The following TRIM14 variants were observed in gnomAD, a reference collection of about 807,000 sequenced individuals.
TRIM14 encodes tripartite motif-containing protein 14.
A neutral mutation model predicts 44.5 loss-of-function variants in TRIM14; 28 were observed. That is an observed-to-expected ratio of 0.63 (90% CI 0.47 to 0.86). The LOEUF (loss-of-function observed/expected upper bound fraction) is 0.86. Among genes scored for constraint, TRIM14 ranks in the 40% least tolerant of loss-of-function variants. The pLI, the probability that TRIM14 is intolerant of heterozygous loss-of-function variation, is 0.00. For synonymous variants in TRIM14, 299 were observed against 269.2 expected (o/e 1.11, Z -1.08); for missense variants, 607 against 611.1 (o/e 0.99, Z 0.07).
chr9:98,094,840 C>T, intron 4 of TRIM14, 27 bp downstream of exon 4: 3 of 1,608,828 alleles, frequency 1.9e-6, no homozygotes, highest in Non-Finnish European at 2.5e-6. Context: ...GAGTTAAGGA[C>T]ACAAAGTTGG....
rs147519711 is a variant in TRIM14, at chr9:98,092,351, G to A, written c.701-350C>T. Reference sequence around the variant, plus strand: ...AGTGCTCAGAAAGAAAGAAGGAGGGGAGTCTATCCCAACAAGCGGGCACAG... The same window carrying A: ...AGTGCTCAGAAAGAAAGAAGGAGGGAAGTCTATCCCAACAAGCGGGCACAG... On this transcript the variant is annotated intron_variant, in intron 4 of 5. Coordinates refer to ENST00000341469, the MANE Select transcript of TRIM14 (RefSeq NM_014788.4). The A allele has an allele frequency of 9.0e-4, 187 of 207,296 alleles. 1 individual carries two copies. The highest frequency in any genetic ancestry group is 4.1e-3 in the African/African-American group (178 of 43,444). The allele number at this position is 207,296 out of a possible 1,614,324, so 12.8% of individuals were successfully genotyped here.
At chr9:98,040,316 C>T in the TRIM14 span, among the ~76,000 whole-genome samples, 2 of 152,154 alleles carry the variant, frequency 1.3e-5, no homozygotes, top group African/African-American at 4.8e-5. Flanking sequence ...CTCCCCTTTG[C>T]CACCAAATCT....
chr9:98,057,613 G>C, the TRIM14 span, among the ~76,000 whole-genome samples: 1 of 152,122 alleles, frequency 6.6e-6, no homozygotes, highest in African/African-American at 2.4e-5. Context: ...TTCTCAGATA[G>C]AGCTCTGAGC....
At chr9:98,071,971 G>A (rs1018834404) in intron 6 of TRIM14, among the ~76,000 whole-genome samples, 2 of 152,202 alleles carry the variant, frequency 1.3e-5, no homozygotes, top group East Asian at 3.8e-4. Flanking sequence ...CGGAGCAGTT[G>A]GGTGATAGGG....
chr9:98,036,500 GAAA>G, the TRIM14 span, among the ~76,000 whole-genome samples: 200 of 102,526 alleles, frequency 2.0e-3, 1 homozygote, highest in African/African-American at 6.6e-3. Flanking sequence ...GACTCCATCT[GAAA>G]AAAAAAAAAA....
chr9:98,083,903 G>A (rs1486352856), downstream of TRIM14, among the ~76,000 whole-genome samples: 1 of 152,152 alleles, frequency 6.6e-6, no homozygotes, highest in African/African-American at 2.4e-5. Flanking sequence ...TGGGAGTCAG[G>A]GTTTGTTTAC....
chr9:98,094,771 AG>A, intron 4 of TRIM14, 95 bp downstream of exon 4: 1 of 1,435,738 alleles, frequency 7.0e-7, no homozygotes, highest in Non-Finnish European at 9.5e-7. Context: ...TCAGTGTGGG[AG>A]AGACAGGATG....
downstream of TRIM14, chr9:98,081,905 C>A (rs911171593): frequency 6.6e-6 from 1 of 152,162 alleles, no homozygotes; most frequent in African/African-American, 2.4e-5. Flanking sequence ...ATAGAGGAAA[C>A]AGGAGAGAAT....
At chr9:98,054,357 C>T in the TRIM14 span, among the ~76,000 whole-genome samples, 1 of 152,190 alleles carries the variant, frequency 6.6e-6, no homozygotes, top group African/African-American at 2.4e-5. Flanking sequence ...TGAGAAGTCT[C>T]CCCGAAATCT....
chr9:98,092,347 AG>A (rs1826025610), intron 4 of TRIM14: 1 of 212,150 alleles, frequency 4.7e-6, no homozygotes, highest in African/African-American at 2.3e-5. Flanking sequence ...AGAAAGAAGG[AG>A]GGGAGTCTAT....
intron 3 of TRIM14, among the ~76,000 whole-genome samples, chr9:98,096,760 C>G (rs1006764281): frequency 2.0e-5 from 3 of 152,192 alleles, no homozygotes; most frequent in African/African-American, 7.2e-5. Flanking sequence ...CCACCATCAT[C>G]TCTCTCCTGG....
chr9:98,070,930 G>A (rs1262376730), intron 6 of TRIM14, among the ~76,000 whole-genome samples: 2 of 151,204 alleles, frequency 1.3e-5, no homozygotes. Flanking sequence ...TCCCACCTCA[G>A]CCTTCTTAGT....
chr9:98,040,360 A>G, the TRIM14 span, among the ~76,000 whole-genome samples: 4 of 151,920 alleles, frequency 2.6e-5, no homozygotes, highest in African/African-American at 4.8e-5. Context: ...CCCCATGGCC[A>G]CTGGTGTCTT....
chr9:98,056,030 G>A, the TRIM14 span, among the ~76,000 whole-genome samples: 2 of 152,100 alleles, frequency 1.3e-5, no homozygotes, highest in African/African-American at 2.4e-5. Flanking sequence ...GTGAGCCACC[G>A]CGCCCGCCCA....
At chr9:98,098,383 C>T (rs1057039202) in intron 3 of TRIM14, among the ~76,000 whole-genome samples, 1 of 152,144 alleles carries the variant, frequency 6.6e-6, no homozygotes, top group Non-Finnish European at 1.5e-5. Flanking sequence ...GATATTGACA[C>T]CAGACAACAG....
At chr9:98,103,058 C>T (rs557250503) in intron 2 of TRIM14, among the ~76,000 whole-genome samples, 10 of 151,956 alleles carry the variant, frequency 6.6e-5, no homozygotes, top group African/African-American at 2.4e-4. Flanking sequence ...GTGTGGCGGG[C>T]GCCTGTAATC....
intron 1 of TRIM14, among the ~76,000 whole-genome samples, chr9:98,118,575 T>A (rs185595456): frequency 2.6e-5 from 4 of 152,148 alleles, no homozygotes; most frequent in East Asian, 3.9e-4. Context: ...ACCTGAGATG[T>A]CTGTGTGGCT....
intron 2 of TRIM14, among the ~76,000 whole-genome samples, chr9:98,101,382 C>G (rs1001264105): frequency 6.6e-6 from 1 of 151,382 alleles, no homozygotes; most frequent in Non-Finnish European, 1.5e-5. Flanking sequence ...GTGGTAGGGT[C>G]TATTGGTACT....
chr9:98,103,836 C>CAAAAAAAAAAAAAAAAAA (rs60368742), intron 2 of TRIM14, among the ~76,000 whole-genome samples: 1 of 74,580 alleles, frequency 1.3e-5, no homozygotes, highest in Non-Finnish European at 2.6e-5. Context: ...GACTCCGTCT[C>CAAAAAAAAAAAAAAAAAA]AAAAAAAAAA....
Sources: gnomAD v4.1 joint callset for allele counts (sites outside exome capture counted in the v4.1 genomes callset) on GRCh38, gnomAD v4.1.1 for gene constraint, MANE v1.5 for transcripts, NCBI Gene and HGNC (gene_info 2026-07-23, HGNC 2026-07-21) for gene names.